Variants in CSMD1 observed in about 807,000 individuals in gnomAD.
CSMD1 encodes CUB and Sushi multiple domains 1, also known as CUB and sushi domain-containing protein 1.
CSMD1 carries 213 observed loss-of-function variants against 417.5 expected under a neutral mutation model. That is an observed-to-expected ratio of 0.51 (90% confidence interval 0.46 to 0.57). The LOEUF (loss-of-function observed/expected upper bound fraction) is 0.57, where lower values mean the gene tolerates loss of function less well. CSMD1 is among the 20% of genes least tolerant of loss of function. CSMD1 has a pLI of 0.00. For synonymous variants in CSMD1, 2,862 were observed against 1,736.8 expected, an observed-to-expected ratio of 1.65 and a Z score of -16.11; for missense variants, 6,923 against 4,529.7, an observed-to-expected ratio of 1.53 and a Z score of -15.17.
At chr8:4,404,248 A>T (rs533930767) in intron 3 of CSMD1, among the ~76,000 whole-genome samples, 4 of 152,088 alleles carry the variant, frequency 2.6e-5, no homozygotes, top group Non-Finnish European at 5.9e-5. Flanking sequence ...TCACCTTGTG[A>T]TAGGCTATAT....
At chr8:3,084,725 G>A (rs1426048547) in intron 49 of CSMD1, among the ~76,000 whole-genome samples, 2 of 151,870 alleles carry the variant, frequency 1.3e-5, no homozygotes, top group African/African-American at 4.8e-5. Context: ...AATATATGTT[G>A]TACAACCTTA....
intron 52 of CSMD1, among the ~76,000 whole-genome samples, chr8:3,005,070 C>T (rs1807763116): frequency 6.6e-6 from 1 of 152,124 alleles, no homozygotes; most frequent in Non-Finnish European, 1.5e-5. Flanking sequence ...ACCCGGGAGG[C>T]AGAGGTTGCA....
At chr8:4,628,100 C>G (rs1273093537) in intron 2 of CSMD1, among the ~76,000 whole-genome samples, 12 of 143,096 alleles carry the variant, frequency 8.4e-5, no homozygotes, top group African/African-American at 2.8e-4. Flanking sequence ...TATTATATAC[C>G]ATATATATAC....
chr8:3,640,697 G>C (rs1472092488), intron 7 of CSMD1, among the ~76,000 whole-genome samples: 3 of 152,174 alleles, frequency 2.0e-5, no homozygotes, highest in Non-Finnish European at 2.9e-5. Context: ...GAGAGTGTGT[G>C]TCTATAAACC....
At chr8:3,283,095 A>C (rs1299142719) in intron 26 of CSMD1, among the ~76,000 whole-genome samples, 1 of 152,182 alleles carries the variant, frequency 6.6e-6, no homozygotes, top group Non-Finnish European at 1.5e-5. Flanking sequence ...TTAGGAGATT[A>C]TAGTTCACGT....
chr8:3,025,168 G>C (rs1167231725), intron 51 of CSMD1, among the ~76,000 whole-genome samples: 5 of 147,472 alleles, frequency 3.4e-5, no homozygotes, highest in African/African-American at 1.1e-4. Flanking sequence ...GTATTGTGTG[G>C]TGTTATTCTG....
intron 3 of CSMD1, among the ~76,000 whole-genome samples, chr8:4,123,425 T>C (rs1307335283): frequency 1.3e-5 from 2 of 152,244 alleles, no homozygotes; most frequent in Non-Finnish European, 2.9e-5. Flanking sequence ...TTACTGTTTC[T>C]TAAATATATT....
chr8:3,643,117 G>A (rs1043701714), intron 7 of CSMD1, among the ~76,000 whole-genome samples: 3 of 151,714 alleles, frequency 2.0e-5, no homozygotes, highest in African/African-American at 7.3e-5. Flanking sequence ...GATTTCAAAA[G>A]ACAATTTAAC....
intron 1 of CSMD1, among the ~76,000 whole-genome samples, chr8:4,887,917 T>C (rs1212929181): frequency 6.6e-6 from 1 of 152,094 alleles, no homozygotes; most frequent in African/African-American, 2.4e-5. Flanking sequence ...CATACACGTA[T>C]TTTTTATCTA....
chr8:4,531,097 TG>T (rs1430041809), intron 2 of CSMD1, among the ~76,000 whole-genome samples: 36 of 152,278 alleles, frequency 2.4e-4, no homozygotes, highest in African/African-American at 8.7e-4. Context: ...TTAACCTGGC[TG>T]AATCATCGCG....
intron 1 of CSMD1, among the ~76,000 whole-genome samples, chr8:4,909,618 G>A (rs1299552578): frequency 1.3e-5 from 2 of 152,106 alleles, no homozygotes; most frequent in Non-Finnish European, 2.9e-5. Flanking sequence ...AGCACTTCAT[G>A]GGGTTCCTAG....
chr8:4,322,869 C>T (rs534054295), intron 3 of CSMD1, among the ~76,000 whole-genome samples: 2 of 152,282 alleles, frequency 1.3e-5, no homozygotes, highest in South Asian at 2.1e-4. Context: ...TTTGTAGTCC[C>T]AGCTACTCAG....
At chr8:4,137,267 A>G (rs1803497086) in intron 3 of CSMD1, among the ~76,000 whole-genome samples, 2 of 152,210 alleles carry the variant, frequency 1.3e-5, no homozygotes, top group African/African-American at 2.4e-5. Flanking sequence ...AGAAATTGAT[A>G]AAGAAACATG....
chr8:4,027,163 T>C (rs1420973528), intron 4 of CSMD1, among the ~76,000 whole-genome samples: 3 of 152,144 alleles, frequency 2.0e-5, no homozygotes, highest in Non-Finnish European at 2.9e-5. Flanking sequence ...AATTGCACCA[T>C]TTAGTTACGA....
intron 2 of CSMD1, among the ~76,000 whole-genome samples, chr8:4,460,488 A>T (rs1259975400): frequency 6.6e-6 from 1 of 152,168 alleles, no homozygotes; most frequent in Non-Finnish European, 1.5e-5. Context: ...AGAATAATCA[A>T]GTATACAATA....
At chr8:4,207,442 A>C (rs1355753469) in intron 3 of CSMD1, among the ~76,000 whole-genome samples, 4 of 152,188 alleles carry the variant, frequency 2.6e-5, no homozygotes, top group Non-Finnish European at 5.9e-5. Context: ...TTTTACAGTC[A>C]TTTAATTGAA....
At chr8:3,891,355 AG>A (rs1467800154) in intron 5 of CSMD1, among the ~76,000 whole-genome samples, 9 of 152,076 alleles carry the variant, frequency 5.9e-5, no homozygotes, top group African/African-American at 2.2e-4. Flanking sequence ...TATCCTGAGC[AG>A]GTTCTTGAAA....
At chr8:3,285,526 A>C (rs1219991323) in intron 25 of CSMD1, among the ~76,000 whole-genome samples, 1 of 151,922 alleles carries the variant, frequency 6.6e-6, no homozygotes, top group Non-Finnish European at 1.5e-5. Context: ...AGCTAGGACT[A>C]CAAGCATGAG....
At chr8:3,223,964 A>G (rs1306337490) in intron 27 of CSMD1, 97 bp from the exon 28 acceptor site, 18 of 1,217,928 alleles carry the variant, frequency 1.5e-5, no homozygotes, top group Non-Finnish European at 2.0e-5. Flanking sequence ...TTTAAGAAAA[A>G]GACATCAGCA....
Sources: gnomAD v4.1 joint callset for allele counts (sites outside exome capture counted in the v4.1 genomes callset) on GRCh38, gnomAD v4.1.1 for gene constraint, MANE v1.5 for transcripts, NCBI Gene and HGNC (gene_info 2026-07-23, HGNC 2026-07-21) for gene names.